Variants in CBLB observed in about 807,000 individuals in gnomAD.
The protein encoded by CBLB is E3 ubiquitin-protein ligase CBL-B.
Under a neutral mutation model 104.9 loss-of-function variants are expected in CBLB, and 31 were observed. The observed-to-expected ratio is 0.30, with a 90% CI of 0.22 to 0.40. The LOEUF is 0.40. CBLB is among the 10% of genes least tolerant of loss of function. The probability of loss-of-function intolerance (pLI) is 1.00; values close to 1 mark genes in which losing one functional copy is unlikely to be tolerated. For synonymous variants in CBLB, 440 were observed against 422.6 expected (o/e 1.04, Z -0.51); for missense variants, 1,062 against 1,214.6 (o/e 0.87, Z 1.87).
chr3:105,724,698 A>C (rs1198897759), intron 9 of CBLB, among the ~76,000 whole-genome samples: 1 of 152,176 alleles, frequency 6.6e-6, no homozygotes. Context: ...TACAATTTTA[A>C]ACCTGCAGAA....
intron 2 of CBLB, among the ~76,000 whole-genome samples, chr3:105,854,478 A>C (rs935736641): frequency 2.4e-4 from 37 of 152,194 alleles, no homozygotes; most frequent in African/African-American, 8.7e-4. Context: ...AAATGAAATA[A>C]TTGAGAATTG....
Position 105,658,419 on chromosome 3 carries a change from A to T in CBLB, c.*551T>A, listed in dbSNP as rs758415264. 9.4e-5 allele frequency: 21 copies of T among 223,968 alleles called. No homozygotes were observed. The highest frequency in any genetic ancestry group is 1.5e-4 in the Non-Finnish European group (17 of 112,292). 13.9% of individuals were successfully genotyped at this position (223,968 alleles called of 1,614,324 possible). ...TTTTTTTTTTTGCATTAGTTTGATC[A>T]GTTGAAAATCAGAACCTTCAAAGCA... is the stretch of plus-strand genomic sequence containing the variant. On this transcript the variant is annotated 3_prime_UTR_variant, in exon 19 of 19. Coordinates refer to ENST00000394030, the MANE Select transcript of CBLB (RefSeq NM_170662.5).
chr3:105,853,288 C>T, intron 3 of CBLB, 126 bp downstream of exon 3: 2 of 911,298 alleles, frequency 2.2e-6, no homozygotes, highest in Non-Finnish European at 1.8e-6. Flanking sequence ...TTAAGTACCA[C>T]ATGACTATAT....
intron 3 of CBLB, among the ~76,000 whole-genome samples, chr3:105,817,578 A>G (rs892741108): frequency 3.9e-5 from 6 of 152,160 alleles, no homozygotes; most frequent in Non-Finnish European, 7.4e-5. Flanking sequence ...ATTCTAAAAA[A>G]CTATCGGGAG....
intron 4 of CBLB, among the ~76,000 whole-genome samples, chr3:105,775,912 C>T (rs1305013895): frequency 1.3e-5 from 2 of 152,170 alleles, no homozygotes; most frequent in African/African-American, 4.8e-5. Flanking sequence ...CCTTCTCTCA[C>T]CTCGATTTCA....
chr3:105,681,090 G>C (rs566855561), intron 16 of CBLB: 3 of 248,466 alleles, frequency 1.2e-5, no homozygotes, highest in Non-Finnish European at 2.3e-5. Flanking sequence ...TTTAATTAGC[G>C]TAAGTGGAAC....
At chr3:105,724,302 A>T (rs888625125) in intron 9 of CBLB, 1 of 155,962 alleles carries the variant, frequency 6.4e-6, no homozygotes. Flanking sequence ...CAAGGAAAAA[A>T]GACATTGGTG....
chr3:105,673,688 G>C (rs1226993414), intron 17 of CBLB: 4 of 152,152 alleles, frequency 2.6e-5, no homozygotes, highest in Non-Finnish European at 5.9e-5. Context: ...AAATCCTCCA[G>C]TGTCAGATAA....
chr3:105,756,292 A>G (rs925171923), intron 4 of CBLB, among the ~76,000 whole-genome samples: 2 of 152,216 alleles, frequency 1.3e-5, no homozygotes, highest in African/African-American at 4.8e-5. Flanking sequence ...TGCTGAACAC[A>G]AAATTGATAT....
chr3:105,728,434 C>G (rs940392150), intron 9 of CBLB, among the ~76,000 whole-genome samples: 3 of 152,116 alleles, frequency 2.0e-5, no homozygotes, highest in African/African-American at 7.2e-5. Flanking sequence ...TCAAGGAGAA[C>G]TACAAATCAA....
intron 3 of CBLB, among the ~76,000 whole-genome samples, chr3:105,826,752 T>C (rs1173960051): frequency 2.0e-5 from 3 of 152,164 alleles, no homozygotes; most frequent in Admixed American, 2.0e-4. Flanking sequence ...ATACACATGA[T>C]GCAAATGCAC....
intron 9 of CBLB, among the ~76,000 whole-genome samples, chr3:105,723,465 A>C (rs4894834): frequency 0.035 from 5,372 of 152,248 alleles, 136 homozygotes; most frequent in Middle Eastern, 0.059. Flanking sequence ...TGAATACTAT[A>C]CACAGCTGAA....
upstream of CBLB, chr3:105,869,122 G>A (rs1471953065): frequency 1.6e-5 from 14 of 864,618 alleles, no homozygotes; most frequent in Non-Finnish European, 2.0e-5. Context: ...CCCGACAGCG[G>A]GTGCAGCCAA....
At position 105,693,428 on chromosome 3, in the gene CBLB, C is replaced by T. The variant is rs16851457; in HGVS notation, c.2054+66G>A. 4,406 of 870,944 alleles carry T rather than the reference C, an allele frequency of 5.1e-3. 120 individuals are homozygous for T. The African/African-American group carries it at 0.14, about 27-fold the overall frequency. 54.0% of individuals were successfully genotyped at this position (870,944 alleles called of 1,614,324 possible). On this transcript the variant is annotated intron_variant, in intron 13 of 18. Transcript: ENST00000394030. ...ATCATGTAGTGTCTGTACTGAGAAC[C>T]TCTCAAAACCACTCTACCATATCTT...
Position 105,725,103 on chromosome 3 carries a change from C to T in CBLB, c.1204-4853G>A, listed in dbSNP as rs574344567. 2.6e-5 allele frequency among the ~76,000 whole-genome samples: 4 copies of T among 152,212 alleles called. No individual in the cohort carries two copies. In the South Asian group the frequency reaches 8.3e-4, roughly 32 times the overall value. Reference sequence around the variant, plus strand: ...GTAAAAAATTTAAAACTATTTTGTTCAAATTGCAAATATCAAAATTAAAAA... The same window carrying T: ...GTAAAAAATTTAAAACTATTTTGTTTAAATTGCAAATATCAAAATTAAAAA... On this transcript the variant is annotated intron_variant, in intron 9 of 18. Transcript: ENST00000394030.
chr3:105,799,867 T>C (rs2082642457), intron 3 of CBLB, among the ~76,000 whole-genome samples: 1 of 152,232 alleles, frequency 6.6e-6, no homozygotes, highest in Non-Finnish European at 1.5e-5. Flanking sequence ...CTAAGGTCTC[T>C]TATGTCATAA....
rs1576059184 is a variant in CBLB at position 105,658,903 on chromosome 3, T to C, written c.*67A>G. 19 of 1,539,370 alleles carry C rather than the reference T, an allele frequency of 1.2e-5. No homozygotes were observed. The East Asian group carries it at 1.6e-4, about 13-fold the overall frequency. On this transcript the variant is annotated 3_prime_UTR_variant, in exon 19 of 19. Transcript: ENST00000394030. ...CTTCTCTCTTGAATTCCATCTCAGT[T>C]CTCTTTATTTCCACACTCTTGGAAT...
intron 9 of CBLB, among the ~76,000 whole-genome samples, chr3:105,730,722 G>A (rs1292247555): frequency 6.6e-6 from 1 of 151,940 alleles, no homozygotes; most frequent in African/African-American, 2.4e-5. Context: ...TGAAAATAAA[G>A]GTTTGCATAT....
chr3:105,757,872 C>T (rs1440231335), intron 4 of CBLB, among the ~76,000 whole-genome samples: 3 of 152,138 alleles, frequency 2.0e-5, no homozygotes, highest in Non-Finnish European at 4.4e-5. Context: ...AGCAGCCCAA[C>T]TCTATTTCTA....
Sources: allele counts gnomAD v4.1 joint callset (sites outside exome capture counted in the v4.1 genomes callset), GRCh38; gene constraint gnomAD v4.1.1; transcripts MANE v1.5; gene names NCBI Gene and HGNC (gene_info 2026-07-23, HGNC 2026-07-21).